Variants in CLEC16A observed in about 807,000 individuals in gnomAD.
CLEC16A encodes the protein protein CLEC16A.
Under a neutral mutation model 109.5 loss-of-function variants are expected in CLEC16A, and 51 were observed. The observed-to-expected ratio is 0.47, with a 90% CI of 0.37 to 0.59. The LOEUF (loss-of-function observed/expected upper bound fraction) is 0.59. Among genes scored for constraint, CLEC16A ranks in the 20% least tolerant of loss-of-function variants. The pLI is 0.00. For missense variants in CLEC16A, 1,339 were observed against 1,394.0 expected (o/e 0.96, Z 0.63); for synonymous variants, 673 against 564.2 (o/e 1.19, Z -2.73).
intron 19 of CLEC16A, among the ~76,000 whole-genome samples, chr16:11,083,860 A>C (rs1396184869): frequency 6.6e-6 from 1 of 152,172 alleles, no homozygotes; most frequent in Non-Finnish European, 1.5e-5. Flanking sequence ...TACAGGGCTC[A>C]AGGGGATGGC....
intron 19 of CLEC16A, among the ~76,000 whole-genome samples, chr16:11,099,493 G>A (rs1342348751): frequency 1.3e-5 from 2 of 152,264 alleles, no homozygotes; most frequent in African/African-American, 4.8e-5. Flanking sequence ...AGCCACATGT[G>A]TGGTGGCTCT....
intron 12 of CLEC16A, 178 bp from the exon 13 acceptor site, chr16:11,024,643 G>A (rs1861548): frequency 8.3e-5 from 45 of 540,614 alleles, no homozygotes; most frequent in Middle Eastern, 5.1e-4. Flanking sequence ...AGCGGCTTCC[G>A]CAGGCAGAGC....
In CLEC16A at chr16:11,123,855, C is replaced by T. The variant is rs751512097; in HGVS notation, c.2382C>T (p.Ile794=). 1.2e-6 allele frequency: 2 copies of T among 1,614,074 alleles called. No individual in the cohort carries two copies. Among genetic ancestry groups the T allele is most frequent in the Non-Finnish European group, 8.5e-7 (1 of 1,179,910 alleles). The change falls in exon 21 of 24, where the codon ATC becomes ATT. Residue 794 remains isoleucine (I), a synonymous_variant. Coordinates refer to ENST00000409790, the MANE Select transcript of CLEC16A (RefSeq NM_015226.3). ...KPFPILQATF[I]FSDHIRCIIA... ...TCCCCATCCTCCAGGCCACCTTCATCTTCTCAGACCACATCCGCTGCATCA... is the reference window on the plus strand; with the variant it reads ...TCCCCATCCTCCAGGCCACCTTCATTTTCTCAGACCACATCCGCTGCATCA...
intron 19 of CLEC16A, among the ~76,000 whole-genome samples, chr16:11,118,292 G>A (rs1258390058): frequency 6.6e-6 from 1 of 152,154 alleles, no homozygotes; most frequent in Non-Finnish European, 1.5e-5. Context: ...CCTAGCATAT[G>A]CAGAGGACTC....
chr16:11,160,389 A>G (rs1264468633), intron 22 of CLEC16A, among the ~76,000 whole-genome samples: 1 of 152,178 alleles, frequency 6.6e-6, no homozygotes, highest in African/African-American at 2.4e-5. Context: ...GTGTGAACCC[A>G]GACAAAAACT....
chr16:11,039,861 A>T lies in CLEC16A; in HGVS notation c.1645A>T (p.Asn549Tyr). Residue 549 changes from asparagine to tyrosine, a missense_variant, in exon 14 of 24, where the codon AAC becomes TAC. Asn to Tyr is a moderately radical substitution (Grantham distance 143). Coordinates refer to ENST00000409790, the MANE Select transcript of CLEC16A (RefSeq NM_015226.3). ...TGAAAGACTCATCAGGATCATGAAC[A>T]ACGCTGCCCAGCCAGGTGCCCACTT... ...LAERLIRIMN[N>Y]AAQPDGKIRL... 5.6e-6 allele frequency: 9 copies of T among 1,612,884 alleles called. No homozygotes were observed. The highest frequency in any genetic ancestry group is 7.6e-6 in the Non-Finnish European group (9 of 1,179,506).
chr16:11,003,434 C>T (rs1433117800), intron 11 of CLEC16A, 129 bp downstream of exon 11: 1 of 702,512 alleles, frequency 1.4e-6, no homozygotes, highest in African/African-American at 1.8e-5. Context: ...CGATTCCTAC[C>T]TCACACTGGC....
chr16:11,155,049 G>A (rs955035042), intron 22 of CLEC16A, among the ~76,000 whole-genome samples: 3 of 152,228 alleles, frequency 2.0e-5, no homozygotes, highest in East Asian at 1.9e-4. Flanking sequence ...GCTGAGCCTG[G>A]CGAGGTCAAG....
intron 18 of CLEC16A, among the ~76,000 whole-genome samples, chr16:11,058,151 C>T (rs866658508): frequency 6.6e-6 from 1 of 152,210 alleles, no homozygotes; most frequent in South Asian, 2.1e-4. Context: ...TGGAGCTCCC[C>T]GCCCTGTGGG....
chr16:11,032,407 G>T (rs926777227), intron 13 of CLEC16A, among the ~76,000 whole-genome samples: 14 of 152,196 alleles, frequency 9.2e-5, no homozygotes, highest in Admixed American at 7.2e-4. Flanking sequence ...AATTCAGCCA[G>T]CGGGTGGGAG....
chr16:10,944,578 G>C lies in CLEC16A; in HGVS notation c.-140G>C, dbSNP rs928162766. 9.9e-6 allele frequency: 8 copies of C among 807,482 alleles called. No individual in the cohort carries two copies. In the African/African-American group the frequency reaches 1.2e-4, roughly 12 times the overall value. The allele number at this position is 807,482 out of a possible 1,614,324, so 50.0% of individuals were successfully genotyped here. On this transcript the variant is annotated 5_prime_UTR_variant, in exon 1 of 24. Coordinates refer to ENST00000409790, the MANE Select transcript of CLEC16A (RefSeq NM_015226.3). Reference sequence around the variant, plus strand: ...GGCTGAATGTCAGTGCTGGGCTGTGGGCCGGGGAGGAAGGCGGCTCGCGGT... The same window carrying C: ...GGCTGAATGTCAGTGCTGGGCTGTGCGCCGGGGAGGAAGGCGGCTCGCGGT...
At position 11,178,762 on chromosome 16, in the gene CLEC16A, C is replaced by A; in HGVS notation, c.*72C>A. ...ACCCCAGTGCCGCTGACTGGCAAGA[C>A]ACACTGGGAGCACCCACCATTCTGT... On this transcript the variant is annotated 3_prime_UTR_variant, in exon 24 of 24. Transcript: ENST00000409790. The surrounding 1 kb of genome is among the most constrained non-coding windows in gnomAD (Gnocchi z 6.5). 1 of 1,211,648 alleles carries A rather than the reference C, an allele frequency of 8.3e-7. No homozygotes were observed. The highest frequency in any genetic ancestry group is 1.1e-6 in the Non-Finnish European group (1 of 895,366). The allele number at this position is 1,211,648 out of a possible 1,614,324, so 75.1% of individuals were successfully genotyped here.
intron 22 of CLEC16A, among the ~76,000 whole-genome samples, chr16:11,136,564 A>G (rs1024010651): frequency 1.3e-5 from 2 of 152,234 alleles, no homozygotes; most frequent in African/African-American, 4.8e-5. Context: ...CACGAACAAA[A>G]TTACGAATGC....
At chr16:11,065,928 G>T (rs1395938386) in intron 19 of CLEC16A, among the ~76,000 whole-genome samples, 1 of 152,190 alleles carries the variant, frequency 6.6e-6, no homozygotes, top group African/African-American at 2.4e-5. Flanking sequence ...TTTCTCACAG[G>T]GACATCTGTC....
Position 11,166,381 on chromosome 16 carries a change from C to A in CLEC16A, c.2642-7C>A. The A allele has an allele frequency of 6.3e-7, 1 of 1,593,936 alleles. No homozygotes were observed. Among genetic ancestry groups the A allele is most frequent in the Non-Finnish European group, 8.5e-7 (1 of 1,174,006 alleles). ...TCCACTTGGTCACCTGGTACTTTGT[C>A]TTGCAGGCTTCGCCGTGGCCCAGTG... On this transcript the variant is annotated splice_polypyrimidine_tract_variant and splice_region_variant and intron_variant, in intron 22 of 23. Coordinates refer to ENST00000409790, the MANE Select transcript of CLEC16A (RefSeq NM_015226.3).
intron 23 of CLEC16A, among the ~76,000 whole-genome samples, chr16:11,168,971 A>G (rs937629838): frequency 1.3e-5 from 2 of 152,218 alleles, no homozygotes; most frequent in Non-Finnish European, 2.9e-5. Flanking sequence ...CCTGGCCCTG[A>G]TCCACCAGAG....
intron 10 of CLEC16A, among the ~76,000 whole-genome samples, chr16:10,989,355 G>C (rs2043861406): frequency 6.6e-6 from 1 of 152,180 alleles, no homozygotes; most frequent in South Asian, 2.1e-4. Context: ...TGAGTAGCTG[G>C]GACTAAAGGC....
At chr16:11,096,769 A>G (rs1372751289) in intron 19 of CLEC16A, among the ~76,000 whole-genome samples, 1 of 152,236 alleles carries the variant, frequency 6.6e-6, no homozygotes, top group African/African-American at 2.4e-5. Flanking sequence ...CTTGGTTGGC[A>G]AATGTAGGAA....
intron 10 of CLEC16A, among the ~76,000 whole-genome samples, chr16:10,985,406 T>C (rs934435617): frequency 2.6e-5 from 4 of 152,044 alleles, no homozygotes; most frequent in Admixed American, 6.5e-5. Flanking sequence ...TCCCCATCAA[T>C]GCACGTTTCT....
Sources: gnomAD v4.1 joint callset for allele counts (sites outside exome capture counted in the v4.1 genomes callset) on GRCh38, gnomAD v4.1.1 for gene constraint, Gnocchi (gnomAD v3.1) non-coding constraint, MANE v1.5 for transcripts, NCBI Gene and HGNC (gene_info 2026-07-23, HGNC 2026-07-21) for gene names.